The following ADCY7 variants were observed in gnomAD, a reference collection of about 807,000 sequenced individuals.
ADCY7 encodes the protein adenylate cyclase type 7.
In ADCY7, 72 loss-of-function variants were observed where a neutral mutation model predicts 120.6. That is an observed-to-expected ratio of 0.60 (90% CI 0.49 to 0.73). The LOEUF is 0.73. Among genes scored for constraint, ADCY7 ranks in the 30% least tolerant of loss-of-function variants. The pLI is 0.00. For missense variants in ADCY7, 1,227 were observed against 1,486.0 expected, an observed-to-expected ratio of 0.83 and a Z score of 2.87; for synonymous variants, 661 against 628.0, an observed-to-expected ratio of 1.05 and a Z score of -0.78.
intron 21 of ADCY7, 135 bp downstream of exon 21, chr16:50,312,326 G>A (rs1024450891): frequency 1.5e-4 from 140 of 956,206 alleles, no homozygotes; most frequent in Admixed American, 2.3e-4. Flanking sequence ...ATGCCCAGGC[G>A]ACAATGTATG....
At chr16:50,310,979 G>A (rs777259617) in intron 19 of ADCY7, 99 bp downstream of exon 19, 8 of 1,245,588 alleles carry the variant, frequency 6.4e-6, no homozygotes, top group Non-Finnish European at 8.8e-6. Context: ...TGGGGAGTGG[G>A]CACCTTGCAG....
At chr16:50,247,539 A>ATTTTTTTT (rs5816683) in intron 1 of ADCY7, among the ~76,000 whole-genome samples, 1 of 111,374 alleles carries the variant, frequency 9.0e-6, no homozygotes, top group Non-Finnish European at 1.7e-5. Context: ...TAATTTAGTA[A>ATTTTTTTT]TTTTTTTTTT....
chr16:50,296,227 G>A (rs1172461423), intron 7 of ADCY7, among the ~76,000 whole-genome samples: 1 of 152,026 alleles, frequency 6.6e-6, no homozygotes, highest in Non-Finnish European at 1.5e-5. Flanking sequence ...TAATTTTTTT[G>A]TATTTTGTGG....
At chr16:50,292,610 G>C in intron 4 of ADCY7, 66 bp from the exon 5 acceptor site, 1 of 1,578,202 alleles carries the variant, frequency 6.3e-7, no homozygotes. Context: ...GTCCGCCTAG[G>C]GGTCTGGTGC....
intron 1 of ADCY7, among the ~76,000 whole-genome samples, chr16:50,273,883 G>A (rs944777351): frequency 6.6e-5 from 10 of 152,188 alleles, no homozygotes; most frequent in African/African-American, 2.2e-4. Context: ...ATGGCTGGAC[G>A]TGCAGCCAGG....
rs777084641 is a variant in ADCY7 at position 50,311,806 on chromosome 16, C to T, written c.2448+20C>T. 74 of 1,326,994 alleles carry T rather than the reference C, an allele frequency of 5.6e-5. 2 individuals are homozygous for T. Among genetic ancestry groups the T allele is most frequent in the African/African-American group, 1.3e-4 (9 of 67,428 alleles). 82.2% of individuals were successfully genotyped at this position (1,326,994 alleles called of 1,614,324 possible). The stretch of plus-strand genomic sequence containing the variant: ...AGACAGGTAAGGAGGCTGGCCCCCC[C>T]CCCCCCCCCAAGCTCTGCCCACTTT... On this transcript the variant is annotated intron_variant, in intron 20 of 25. Transcript: ENST00000673801.
At chr16:50,294,515 A>C in intron 6 of ADCY7, 125 bp from the exon 7 acceptor site, 1 of 618,528 alleles carries the variant, frequency 1.6e-6, no homozygotes, top group Middle Eastern at 4.3e-4. Context: ...GAGGCTGAGG[A>C]AGGACGGGGG....
At chr16:50,248,600 C>T (rs187505921) in intron 1 of ADCY7, among the ~76,000 whole-genome samples, 4 of 152,158 alleles carry the variant, frequency 2.6e-5, no homozygotes, top group South Asian at 2.1e-4. Context: ...TGGGGGAGTT[C>T]GTGGACAGAT....
Position 50,301,091 on chromosome 16 carries a change from C to T in ADCY7, c.1245C>T (p.His415=). 6.2e-7 allele frequency: 1 copy of T among 1,613,650 alleles called. No individual in the cohort carries two copies. Among genetic ancestry groups the T allele is most frequent in the South Asian group, 1.1e-5 (1 of 91,064 alleles). Residue 415 remains histidine, a synonymous_variant, in exon 10 of 26, where the codon CAC becomes CAT. Coordinates refer to ENST00000673801, the MANE Select transcript of ADCY7 (RefSeq NM_001114.5). ...MEAAGVPGRV[H]ITEATLKHLD... ...CTTGGGTCTCCCGTAGCCGGGTGCA[C>T]ATCACGGAGGCCACGCTAAAGCACC...
At chr16:50,287,334 T>C (rs1013760141) in intron 1 of ADCY7, among the ~76,000 whole-genome samples, 1 of 151,180 alleles carries the variant, frequency 6.6e-6, no homozygotes, top group African/African-American at 2.4e-5. Flanking sequence ...GTATTTGAAA[T>C]GTGGCTAGTG....
intron 14 of ADCY7, among the ~76,000 whole-genome samples, chr16:50,306,727 G>A (rs2036091793): frequency 6.6e-6 from 1 of 152,180 alleles, no homozygotes; most frequent in African/African-American, 2.4e-5. Flanking sequence ...TGTAGGGCAG[G>A]GGAAGGCATT....
rs1456333263 is a variant in ADCY7, at chr16:50,310,825, T to C, written c.2299T>C (p.Trp767Arg). 6.2e-7 allele frequency: 1 copy of C among 1,613,694 alleles called. No individual in the cohort carries two copies. Among genetic ancestry groups the C allele is most frequent in the African/African-American group, 1.3e-5 (1 of 74,910 alleles). The change falls in exon 19 of 26, where the codon TGG (tryptophan) becomes CGG (arginine). Residue 767 changes from tryptophan (W) to arginine (R), a missense_variant. By Grantham distance (101) the Trp-to-Arg change is moderately radical. Coordinates refer to ENST00000673801, the MANE Select transcript of ADCY7 (RefSeq NM_001114.5). The stretch of plus-strand genomic sequence containing the variant: ...CTTCAACCTCTCCCCATGCTGGCAG[T>C]GGGACTGCTGCGGCCAAGGCCTGGG... Reference protein sequence around the residue: ...VLFNLSPCWQWDCCGQGLGNL... With the variant: ...VLFNLSPCWQRDCCGQGLGNL...
chr16:50,259,695 G>C (rs1180111766), intron 1 of ADCY7, among the ~76,000 whole-genome samples: 1 of 152,180 alleles, frequency 6.6e-6, no homozygotes, highest in East Asian at 1.9e-4. Context: ...GATTTAGGAG[G>C]GGCAGTAGCC....
intron 1 of ADCY7, among the ~76,000 whole-genome samples, chr16:50,272,160 C>T (rs1285472183): frequency 6.6e-6 from 1 of 152,058 alleles, no homozygotes; most frequent in African/African-American, 2.4e-5. Flanking sequence ...ATGGCCATGA[C>T]CCTCAGACAC....
At chr16:50,314,568 A>G (rs1350732032) in intron 24 of ADCY7, 162 bp downstream of exon 24, 6 of 598,302 alleles carry the variant, frequency 1.0e-5, no homozygotes, top group African/African-American at 9.3e-5. Flanking sequence ...TGTTTTGCAT[A>G]TAGTTAGCAT....
At chr16:50,289,386 T>G in intron 2 of ADCY7, 1 of 417,158 alleles carries the variant, frequency 2.4e-6, no homozygotes, top group Non-Finnish European at 4.7e-6. Flanking sequence ...CTATGTCATT[T>G]CCGGCCCAGG....
Position 50,318,030 on chromosome 16 carries a change from T to C in ADCY7, c.*2525T>C, listed in dbSNP as rs2036893827. On this transcript the variant is annotated 3_prime_UTR_variant, in exon 26 of 26. Coordinates refer to ENST00000673801, the MANE Select transcript of ADCY7 (RefSeq NM_001114.5). ...ACTAGGGTTTATTCTATATAATGAA[T>C]ATTTATAGATCTGTAACATTTGTTT... is the stretch of plus-strand genomic sequence containing the variant. 6.6e-6 allele frequency: 1 copy of C among 152,356 alleles called. No individual in the cohort carries two copies. Among genetic ancestry groups the C allele is most frequent in the Non-Finnish European group, 1.5e-5 (1 of 68,038 alleles). 9.4% of individuals were successfully genotyped at this position (152,356 alleles called of 1,614,324 possible).
At chr16:50,310,385 C>A in intron 18 of ADCY7, 2 of 1,413,706 alleles carry the variant, frequency 1.4e-6, no homozygotes, top group South Asian at 1.2e-5. Flanking sequence ...CTCACAAAAA[C>A]TCAGGGAGGC....
chr16:50,299,843 T>C (rs1045505396), intron 8 of ADCY7, among the ~76,000 whole-genome samples: 1 of 152,150 alleles, frequency 6.6e-6, no homozygotes, highest in Non-Finnish European at 1.5e-5. Flanking sequence ...GGTGGACACG[T>C]GGTGCCGCTT....
Sources: allele counts gnomAD v4.1 joint callset (sites outside exome capture counted in the v4.1 genomes callset), GRCh38; gene constraint gnomAD v4.1.1; transcripts MANE v1.5; gene names NCBI Gene and HGNC (gene_info 2026-07-23, HGNC 2026-07-21).